Variants in CSMD1 observed in about 807,000 individuals in gnomAD.
CSMD1 encodes CUB and sushi domain-containing protein 1.
A neutral mutation model predicts 417.5 loss-of-function variants in CSMD1; 213 were observed. That is an observed-to-expected ratio of 0.51 (90% CI 0.46 to 0.57). The LOEUF (loss-of-function observed/expected upper bound fraction) is 0.57. CSMD1 is among the 20% of genes least tolerant of loss of function. The probability of loss-of-function intolerance (pLI) is 0.00; values close to 1 mark genes in which losing one functional copy is unlikely to be tolerated. For missense variants in CSMD1, 6,923 were observed against 4,529.7 expected (o/e 1.53, Z -15.17); for synonymous variants, 2,862 against 1,736.8 (o/e 1.65, Z -16.11).
chr8:3,918,953 T>A (rs1191304178), intron 5 of CSMD1, among the ~76,000 whole-genome samples: 1 of 151,818 alleles, frequency 6.6e-6, no homozygotes, highest in Non-Finnish European at 1.5e-5. Flanking sequence ...GATGGGTACA[T>A]CAAAATCTCA....
At chr8:3,846,387 C>T (rs1219955428) in intron 5 of CSMD1, among the ~76,000 whole-genome samples, 1 of 151,980 alleles carries the variant, frequency 6.6e-6, no homozygotes, top group Non-Finnish European at 1.5e-5. Context: ...CATGACTCTA[C>T]ATGTGAAATA....
intron 5 of CSMD1, among the ~76,000 whole-genome samples, chr8:3,888,976 T>G (rs1455502602): frequency 1.3e-5 from 2 of 152,194 alleles, no homozygotes; most frequent in Non-Finnish European, 2.9e-5. Flanking sequence ...TAAAGAAACT[T>G]TATCCTTTAT....
chr8:4,975,411 G>A (rs183202291), intron 1 of CSMD1, among the ~76,000 whole-genome samples: 2 of 152,310 alleles, frequency 1.3e-5, no homozygotes, highest in African/African-American at 2.4e-5. Flanking sequence ...CGGCCTTATT[G>A]AATGTGGGCT....
rs1802526517 is a variant in CSMD1, at chr8:2,950,149, C to T, written c.10314+82G>A. 3.3e-6 allele frequency: 3 copies of T among 911,964 alleles called. No homozygotes were observed. The Admixed American group carries it at 5.5e-5, about 17-fold the overall frequency. The allele number at this position is 911,964 out of a possible 1,614,324, so 56.5% of individuals were successfully genotyped here. A position where few individuals can be genotyped will look rare whatever the true frequency, so the allele number is the denominator to read the frequency against. On this transcript the variant is annotated intron_variant, in intron 67 of 69. Coordinates refer to ENST00000635120, the MANE Select transcript of CSMD1 (RefSeq NM_033225.6). ...ACACAAGACAGCTCTACTCAGAAGCCTCCAATCCGTAGCCCTTGCATCTGC... is the reference window on the plus strand; with the variant it reads ...ACACAAGACAGCTCTACTCAGAAGCTTCCAATCCGTAGCCCTTGCATCTGC...
At chr8:2,942,692 T>G in intron 68 of CSMD1, 88 bp from the exon 69 acceptor site, 1 of 1,043,608 alleles carries the variant, frequency 9.6e-7, no homozygotes, top group Non-Finnish European at 1.3e-6. Flanking sequence ...GGATACGAAC[T>G]CTTCAAGAAG....
intron 26 of CSMD1, among the ~76,000 whole-genome samples, chr8:3,277,537 A>G (rs1391105148): frequency 6.6e-6 from 1 of 152,122 alleles, no homozygotes; most frequent in African/African-American, 2.4e-5. Context: ...AGATCTACAG[A>G]GGTCTAAAAA....
chr8:4,851,370 G>C (rs1386981995), intron 1 of CSMD1, among the ~76,000 whole-genome samples: 2 of 151,896 alleles, frequency 1.3e-5, no homozygotes, highest in Non-Finnish European at 2.9e-5. Context: ...TGGCTTTCAT[G>C]ATCCCACCAA....
At chr8:3,512,627 A>C (rs547076001) in intron 10 of CSMD1, among the ~76,000 whole-genome samples, 1 of 140,616 alleles carries the variant, frequency 7.1e-6, no homozygotes, top group African/African-American at 2.7e-5. Context: ...TTTAAGACAG[A>C]GTCTTGCTTT....
In CSMD1 at chr8:3,439,286, T is replaced by C. The variant is rs1206967121; in HGVS notation, c.1561+29426A>G. The stretch of plus-strand genomic sequence containing the variant: ...GAGAGCATTTGGCAATGTCAGTATA[T>C]ATATATATATATATATATATATATT... On this transcript the variant is annotated intron_variant, in intron 12 of 69. Transcript: ENST00000635120. Among the ~76,000 whole-genome samples, 2 of 29,180 alleles carry C rather than the reference T, an allele frequency of 6.9e-5. 1 individual carries two copies. The highest frequency in any genetic ancestry group is 1.2e-4 in the Non-Finnish European group (2 of 16,452). 19.1% of individuals were successfully genotyped at this position (29,180 alleles called of 152,430 possible). A position where few individuals can be genotyped will look rare whatever the true frequency, so the allele number is the denominator to read the frequency against.
In CSMD1 at chr8:4,971,085, G is replaced by T. The variant is rs80202153; in HGVS notation, c.85+23247C>A. 8.2e-3 allele frequency among the ~76,000 whole-genome samples: 1,247 copies of T among 151,800 alleles called. 19 individuals are homozygous for T. The highest frequency in any genetic ancestry group is 0.025 in the African/African-American group (1,037 of 41,444). ...CTTAACTATGTCTGTGACTTTTTTT[G>T]GATCTCATTTTTTTCATATACCAAA... On this transcript the variant is annotated intron_variant, in intron 1 of 69. Coordinates refer to ENST00000635120, the MANE Select transcript of CSMD1 (RefSeq NM_033225.6).
intron 26 of CSMD1, among the ~76,000 whole-genome samples, chr8:3,278,111 G>C (rs551871531): frequency 4.6e-5 from 7 of 152,212 alleles, no homozygotes; most frequent in Admixed American, 6.5e-5. Context: ...ATCAGCCAAA[G>C]AGCCAATGAT....
intron 50 of CSMD1, among the ~76,000 whole-genome samples, chr8:3,051,312 A>T (rs907741153): frequency 1.3e-5 from 2 of 152,236 alleles, no homozygotes; most frequent in Admixed American, 1.3e-4. Flanking sequence ...ATGGAGCTGG[A>T]GGTCATTATT....
intron 2 of CSMD1, among the ~76,000 whole-genome samples, chr8:4,633,245 G>A (rs572447763): frequency 6.7e-6 from 1 of 149,094 alleles, no homozygotes; most frequent in African/African-American, 2.4e-5. Context: ...TTATGTGTTC[G>A]TTTGTTTCTT....
intron 2 of CSMD1, among the ~76,000 whole-genome samples, chr8:4,507,334 C>T (rs978717009): frequency 1.2e-4 from 18 of 152,130 alleles, no homozygotes; most frequent in Non-Finnish European, 1.9e-4. Flanking sequence ...GTTCAATTAA[C>T]GCCACCCTAA....
At chr8:3,101,896 G>A (rs1165482478) in intron 46 of CSMD1, among the ~76,000 whole-genome samples, 3 of 149,604 alleles carry the variant, frequency 2.0e-5, no homozygotes, top group African/African-American at 7.4e-5. Flanking sequence ...CCACATGCGG[G>A]GTTCAAGCAA....
chr8:3,998,785 T>C (rs1234651250), intron 4 of CSMD1, among the ~76,000 whole-genome samples: 2 of 151,742 alleles, frequency 1.3e-5, no homozygotes. Context: ...CAGATCTTGG[T>C]AAGTTTGCTA....
chr8:3,898,748 G>A (rs943726141), intron 5 of CSMD1, among the ~76,000 whole-genome samples: 3 of 152,090 alleles, frequency 2.0e-5, no homozygotes, highest in Non-Finnish European at 4.4e-5. Context: ...TTCTGCTATT[G>A]AACCACTGTA....
chr8:4,120,667 C>CT (rs1488629998), intron 3 of CSMD1, among the ~76,000 whole-genome samples: 1 of 152,194 alleles, frequency 6.6e-6, no homozygotes, highest in African/African-American at 2.4e-5. Flanking sequence ...CATCACGTGA[C>CT]TTTTAAAGAA....
At chr8:3,235,285 T>C (rs1430784691) in intron 26 of CSMD1, among the ~76,000 whole-genome samples, 2 of 152,204 alleles carry the variant, frequency 1.3e-5, no homozygotes, top group Non-Finnish European at 2.9e-5. Flanking sequence ...CAAGATGTTT[T>C]CATTTCTCAT....
Sources: allele counts gnomAD v4.1 joint callset (sites outside exome capture counted in the v4.1 genomes callset), GRCh38; gene constraint gnomAD v4.1.1; transcripts MANE v1.5; gene names NCBI Gene and HGNC (gene_info 2026-07-23, HGNC 2026-07-21).